STAB2: variants seen among roughly 807,000 people sequenced by gnomAD.
STAB2 encodes stabilin-2.
STAB2 carries 288 observed loss-of-function variants against 338.1 expected under a neutral mutation model. The ratio of observed to expected loss-of-function variants is 0.85; its 90% CI spans 0.77 to 0.94. STAB2 has a LOEUF of 0.94. Among genes scored for constraint, STAB2 ranks in the 40% least tolerant of loss-of-function variants. STAB2 has a pLI of 0.00. For synonymous variants in STAB2, 1,202 were observed against 1,193.3 expected (o/e 1.01, Z -0.15); for missense variants, 3,141 against 3,210.1 (o/e 0.98, Z 0.52).
At chr12:103,757,067 A>T (rs976697717) in intron 63 of STAB2, among the ~76,000 whole-genome samples, 3 of 147,326 alleles carry the variant, frequency 2.0e-5, no homozygotes, top group Admixed American at 6.8e-5. Flanking sequence ...TATATATTTT[A>T]AAAATTATAT....
At chr12:103,593,934 A>T (rs1489091432) in intron 2 of STAB2, among the ~76,000 whole-genome samples, 1 of 152,216 alleles carries the variant, frequency 6.6e-6, no homozygotes, top group African/African-American at 2.4e-5. Flanking sequence ...GCTGCATTAT[A>T]CTGCCTTTGC....
At position 103,613,644 on chromosome 12, in the gene STAB2, CAATG is replaced by C. The variant is rs113731682; in HGVS notation, c.332-6823_332-6820del. 3.2e-4 allele frequency among the ~76,000 whole-genome samples: 48 copies of C among 152,250 alleles called. 1 individual carries two copies. Among genetic ancestry groups the C allele is most frequent in the African/African-American group, 1.1e-3 (46 of 41,548 alleles). ...GACCCCTTGCACTTCCCGGGCGAGG[CAATG>C]CCTCGCCCTGCTTCAGCTCACACTA... On this transcript the variant is annotated intron_variant, in intron 3 of 68. Coordinates refer to ENST00000388887, the MANE Select transcript of STAB2 (RefSeq NM_017564.10).
At chr12:103,648,900 G>A (rs1348212334) in intron 10 of STAB2, 77 bp downstream of exon 10, 7 of 1,561,182 alleles carry the variant, frequency 4.5e-6, no homozygotes, top group Non-Finnish European at 6.1e-6. Context: ...CAATGATTCA[G>A]AAAGGGACAG....
rs1443064082 is a variant in STAB2 at position 103,761,385 on chromosome 12, CTT to C, written c.7336_7337del (p.Leu2446LysfsTer50). On this transcript the variant is annotated frameshift_variant, in exon 66 of 69. Transcript: ENST00000388887. LOFTEE classifies it high-confidence loss of function. Reference sequence around the variant, plus strand: ...GGGATCATTCATGTCATTTCCAGGCCTTTAAAAGCACCCCCTGCCCCCGTGGT... The same window carrying C: ...GGGATCATTCATGTCATTTCCAGGCCTAAAAGCACCCCCTGCCCCCGTGGT... 6.2e-7 allele frequency: 1 copy of C among 1,613,778 alleles called. No individual in the cohort carries two copies. The highest frequency in any genetic ancestry group is 8.5e-7 in the Non-Finnish European group (1 of 1,180,000).
At chr12:103,625,606 G>A (rs990076801) in intron 5 of STAB2, among the ~76,000 whole-genome samples, 4 of 152,174 alleles carry the variant, frequency 2.6e-5, no homozygotes, top group East Asian at 1.9e-4. Context: ...GAGAACATGC[G>A]GTGTTTGGTT....
At chr12:103,639,226 A>G (rs1957600083) in intron 8 of STAB2, among the ~76,000 whole-genome samples, 1 of 152,160 alleles carries the variant, frequency 6.6e-6, no homozygotes, top group Non-Finnish European at 1.5e-5. Context: ...AGTCTTAGAA[A>G]TTCTCCATTG....
intron 25 of STAB2, 67 bp downstream of exon 25, chr12:103,677,678 G>C (rs928599098): frequency 6.4e-7 from 1 of 1,550,500 alleles, no homozygotes; most frequent in Admixed American, 1.8e-5. Context: ...TTCCCCTCAG[G>C]ACACAGAAGT....
At chr12:103,701,556 G>A (rs1306377834) in intron 34 of STAB2, among the ~76,000 whole-genome samples, 2 of 152,136 alleles carry the variant, frequency 1.3e-5, no homozygotes, top group Admixed American at 6.5e-5. Flanking sequence ...ATAATTCTCT[G>A]AATATACCTC....
intron 8 of STAB2, 122 bp from the exon 9 acceptor site, chr12:103,640,001 C>A: frequency 8.3e-7 from 1 of 1,212,018 alleles, no homozygotes. Flanking sequence ...TAGTTTAAGT[C>A]CACACTTCAG....
intron 61 of STAB2, among the ~76,000 whole-genome samples, chr12:103,754,457 A>C (rs1265529108): frequency 6.6e-6 from 1 of 152,060 alleles, no homozygotes; most frequent in Non-Finnish European, 1.5e-5. Flanking sequence ...AAACGTTCCC[A>C]CCTCATAGGG....
Position 103,587,383 on chromosome 12 carries a change from G to T in STAB2, c.-94G>T. 3.9e-6 allele frequency: 4 copies of T among 1,013,710 alleles called. No homozygotes were observed. Among genetic ancestry groups the T allele is most frequent in the South Asian group, 3.0e-5 (2 of 67,290 alleles). 62.8% of individuals were successfully genotyped at this position (1,013,710 alleles called of 1,614,324 possible). On this transcript the variant is annotated 5_prime_UTR_variant, in exon 1 of 69. It removes an upstream start codon present in the reference 5' UTR. Coordinates refer to ENST00000388887, the MANE Select transcript of STAB2 (RefSeq NM_017564.10). ...GGGATTTAAAAGTAAACAGTGAAATGAGAAAGAATTCACTGGGAGTTTATC... is the reference window on the plus strand; with the variant it reads ...GGGATTTAAAAGTAAACAGTGAAATTAGAAAGAATTCACTGGGAGTTTATC...
At chr12:103,645,757 C>G (rs968854316) in intron 9 of STAB2, among the ~76,000 whole-genome samples, 1 of 152,082 alleles carries the variant, frequency 6.6e-6, no homozygotes, top group Non-Finnish European at 1.5e-5. Flanking sequence ...GTTTCTCAGC[C>G]TCAGCTCTAC....
intron 3 of STAB2, among the ~76,000 whole-genome samples, chr12:103,601,022 T>TTA (rs1956946347): frequency 6.6e-6 from 1 of 152,234 alleles, no homozygotes; most frequent in African/African-American, 2.4e-5. Flanking sequence ...ATGCAAAATA[T>TTA]TATAAGTAGT....
intron 15 of STAB2, among the ~76,000 whole-genome samples, chr12:103,659,154 C>T (rs1565991133): frequency 6.6e-6 from 1 of 152,198 alleles, no homozygotes; most frequent in African/African-American, 2.4e-5. Context: ...CCCTGCCCTG[C>T]ACATAATGCT....
At chr12:103,688,718 T>G (rs1877655013) in intron 28 of STAB2, among the ~76,000 whole-genome samples, 1 of 152,190 alleles carries the variant, frequency 6.6e-6, no homozygotes, top group African/African-American at 2.4e-5. Flanking sequence ...TCCTGTTGCT[T>G]CTGTATGGGG....
intron 28 of STAB2, among the ~76,000 whole-genome samples, 166 bp downstream of exon 28, chr12:103,688,381 T>A (rs948281399): frequency 7.9e-5 from 12 of 152,220 alleles, no homozygotes; most frequent in African/African-American, 2.2e-4. Context: ...AACACATTTT[T>A]AAAAAATATT....
intron 55 of STAB2, among the ~76,000 whole-genome samples, chr12:103,741,699 T>G (rs1017690314): frequency 2.6e-5 from 4 of 152,230 alleles, no homozygotes; most frequent in Admixed American, 2.6e-4. Flanking sequence ...AAGCAGTCCA[T>G]CCATCTTGGC....
intron 30 of STAB2, among the ~76,000 whole-genome samples, chr12:103,691,812 T>A (rs1877960780): frequency 6.8e-6 from 1 of 147,762 alleles, no homozygotes; most frequent in Non-Finnish European, 1.5e-5. Flanking sequence ...TTGCTCAGAG[T>A]GAGACAAGAC....
At chr12:103,638,947 C>A (rs565749928) in intron 8 of STAB2, among the ~76,000 whole-genome samples, 1 of 152,298 alleles carries the variant, frequency 6.6e-6, no homozygotes, top group South Asian at 2.1e-4. Flanking sequence ...AGTCTAATCA[C>A]CTGGATGCTA....
Sources: allele counts gnomAD v4.1 joint callset (sites outside exome capture counted in the v4.1 genomes callset), GRCh38; gene constraint gnomAD v4.1.1; transcripts MANE v1.5; gene names NCBI Gene and HGNC (gene_info 2026-07-23, HGNC 2026-07-21).